Variants in CDH18 observed in about 807,000 individuals in gnomAD.
The protein encoded by CDH18 is cadherin-18.
In CDH18, 31 loss-of-function variants were observed where a neutral mutation model predicts 67.9. The observed-to-expected ratio is 0.46, with a 90% CI of 0.34 to 0.62. The LOEUF is 0.62. Among genes scored for constraint, CDH18 ranks in the 20% least tolerant of loss-of-function variants. The probability of loss-of-function intolerance (pLI) is 0.01; values close to 1 mark genes in which losing one functional copy is unlikely to be tolerated. For synonymous variants in CDH18, 362 were observed against 347.2 expected (o/e 1.04, Z -0.48); for missense variants, 890 against 975.5 (o/e 0.91, Z 1.17).
chr5:19,921,286 C>CT (rs1486684351), intron 2 of CDH18, among the ~76,000 whole-genome samples: 1 of 152,152 alleles, frequency 6.6e-6, no homozygotes, highest in African/African-American at 2.4e-5. Flanking sequence ...AATCCCAGCA[C>CT]TTTGGGAGGC....
intron 1 of CDH18, among the ~76,000 whole-genome samples, chr5:20,433,600 G>A (rs1388977391): frequency 6.6e-6 from 1 of 152,022 alleles, no homozygotes; most frequent in East Asian, 1.9e-4. Context: ...TATTTGAGGA[G>A]GAGAGTTGAG....
chr5:19,826,075 C>G (rs1349537250), intron 3 of CDH18, among the ~76,000 whole-genome samples: 1 of 152,074 alleles, frequency 6.6e-6, no homozygotes, highest in Non-Finnish European at 1.5e-5. Context: ...CTCCAAGAAT[C>G]TCATAATACA....
At chr5:20,034,360 T>A (rs759755341) in intron 2 of CDH18, among the ~76,000 whole-genome samples, 2 of 152,008 alleles carry the variant, frequency 1.3e-5, no homozygotes, top group African/African-American at 2.4e-5. Flanking sequence ...TTATGCAAAT[T>A]CCCACTTAAA....
In CDH18 at chr5:20,035,363, C is replaced by T. The variant is rs565695142; in HGVS notation, c.-517-43349G>A. Among the ~76,000 whole-genome samples the T allele has an allele frequency of 3.3e-5, 5 of 152,104 alleles. No homozygotes were observed. In the South Asian group the frequency reaches 1.0e-3, roughly 31 times the overall value. ...AAGAAGTGTTTCTGATACTAAAACACATAAAGTGATTGCATTATTCTATTC... is the reference window on the plus strand; with the variant it reads ...AAGAAGTGTTTCTGATACTAAAACATATAAAGTGATTGCATTATTCTATTC... On this transcript the variant is annotated intron_variant, in intron 2 of 14. Coordinates refer to the CDH18 transcript ENST00000507958.
intron 2 of CDH18, among the ~76,000 whole-genome samples, chr5:20,251,044 C>T (rs1039731056): frequency 6.6e-6 from 1 of 152,070 alleles, no homozygotes; most frequent in Admixed American, 6.5e-5. Flanking sequence ...GGTAACTGAG[C>T]TTTAACTTGT....
At chr5:20,335,191 C>T (rs1739610115) in intron 1 of CDH18, among the ~76,000 whole-genome samples, 1 of 152,028 alleles carries the variant, frequency 6.6e-6, no homozygotes, top group South Asian at 2.1e-4. Flanking sequence ...ATCACTCTTC[C>T]CTTATTTCTC....
intron 2 of CDH18, among the ~76,000 whole-genome samples, chr5:20,101,794 C>T (rs1746489579): frequency 1.3e-5 from 2 of 152,162 alleles, no homozygotes; most frequent in Admixed American, 1.3e-4. Context: ...AAACAGCTAG[C>T]CGGGCGTGTT....
intron 2 of CDH18, among the ~76,000 whole-genome samples, chr5:19,994,097 T>C (rs1471663970): frequency 6.6e-6 from 1 of 152,010 alleles, no homozygotes; most frequent in Non-Finnish European, 1.5e-5. Flanking sequence ...GAAAGAGGAA[T>C]AAAGCAGAGG....
chr5:19,641,505 G>A (rs1753989730), intron 5 of CDH18, among the ~76,000 whole-genome samples: 1 of 151,966 alleles, frequency 6.6e-6, no homozygotes, highest in Non-Finnish European at 1.5e-5. Context: ...GACCACGTGA[G>A]ATTTATCAAT....
At chr5:20,106,549 T>A (rs1746955550) in intron 2 of CDH18, among the ~76,000 whole-genome samples, 1 of 152,212 alleles carries the variant, frequency 6.6e-6, no homozygotes, top group African/African-American at 2.4e-5. Context: ...AATTTTCATG[T>A]CTTAATTATT....
intron 3 of CDH18, among the ~76,000 whole-genome samples, chr5:19,811,144 AAGAAAGAAAGAAAGAAGG>A (rs780775186): frequency 0.016 from 1,581 of 101,796 alleles, 49 homozygotes; most frequent in African/African-American, 0.026. Context: ...GAAAGAAAGA[AAGAAAGAAAGAAAGAAGG>A]AGAGAAAGAA....
intron 1 of CDH18, among the ~76,000 whole-genome samples, chr5:20,394,917 A>C (rs1745163545): frequency 6.6e-6 from 1 of 152,264 alleles, no homozygotes; most frequent in East Asian, 1.9e-4. Context: ...GGCAAGTATT[A>C]AAAATTAAAA....
intron 2 of CDH18, among the ~76,000 whole-genome samples, chr5:20,162,435 T>C (rs867024235): frequency 2.7e-5 from 4 of 147,708 alleles, no homozygotes; most frequent in Non-Finnish European, 6.0e-5. Flanking sequence ...GTATATATTA[T>C]ATATAATGTA....
chr5:19,528,511 T>A, intron 9 of CDH18, among the ~76,000 whole-genome samples: 1 of 151,616 alleles, frequency 6.6e-6, no homozygotes, highest in East Asian at 1.9e-4. Context: ...GATATATATA[T>A]TTTAAATGTT....
At chr5:19,603,280 G>A (rs1747458416) in intron 6 of CDH18, among the ~76,000 whole-genome samples, 1 of 152,126 alleles carries the variant, frequency 6.6e-6, no homozygotes, top group Non-Finnish European at 1.5e-5. Context: ...AATATTGCAT[G>A]ATTCCACTTA....
chr5:20,470,171 T>C (rs1028339744), intron 1 of CDH18, among the ~76,000 whole-genome samples: 1 of 152,136 alleles, frequency 6.6e-6, no homozygotes, highest in Non-Finnish European at 1.5e-5. Context: ...TCACTTTCCC[T>C]CAACAACCTT....
At chr5:19,694,960 C>T (rs1762360257) in intron 5 of CDH18, among the ~76,000 whole-genome samples, 1 of 151,900 alleles carries the variant, frequency 6.6e-6, no homozygotes. Context: ...GCAGACGTTT[C>T]CATAGCTGGA....
chr5:19,781,701 C>G (rs1362570451), intron 3 of CDH18, among the ~76,000 whole-genome samples: 1 of 151,990 alleles, frequency 6.6e-6, no homozygotes, highest in Non-Finnish European at 1.5e-5. Flanking sequence ...GAGTTTCTAG[C>G]ATACAAATTA....
intron 4 of CDH18, among the ~76,000 whole-genome samples, chr5:19,733,207 G>A (rs1767850319): frequency 6.6e-6 from 1 of 152,170 alleles, no homozygotes; most frequent in Admixed American, 6.6e-5. Context: ...CAAATTCACA[G>A]ACCAGATAGA....
Sources: allele counts gnomAD v4.1 joint callset (sites outside exome capture counted in the v4.1 genomes callset), GRCh38; gene constraint gnomAD v4.1.1; transcripts MANE v1.5; gene names NCBI Gene and HGNC (gene_info 2026-07-23, HGNC 2026-07-21).